TBC1D19: variants seen among roughly 807,000 people sequenced by gnomAD.
The protein encoded by TBC1D19 is TBC1 domain family member 19.
Under a neutral mutation model 89.0 loss-of-function variants are expected in TBC1D19, and 60 were observed. That is an observed-to-expected ratio of 0.67 (90% CI 0.55 to 0.84). The LOEUF (loss-of-function observed/expected upper bound fraction) is 0.84. TBC1D19 is among the 40% of genes least tolerant of loss of function. The pLI, the probability that TBC1D19 is intolerant of heterozygous loss-of-function variation, is 0.00. For missense variants in TBC1D19, 500 were observed against 610.8 expected (o/e 0.82, Z 1.91); for synonymous variants, 189 against 199.7 (o/e 0.95, Z 0.45).
At chr4:26,820,645 G>A in the TBC1D19 span, among the ~76,000 whole-genome samples, 1 of 152,182 alleles carries the variant, frequency 6.6e-6, no homozygotes, top group Non-Finnish European at 1.5e-5. Flanking sequence ...ATGTGGTAGT[G>A]CAGATATCTC....
At chr4:26,730,259 A>G (rs1402515538) in intron 15 of TBC1D19, among the ~76,000 whole-genome samples, 2 of 152,254 alleles carry the variant, frequency 1.3e-5, no homozygotes, top group Admixed American at 6.5e-5. Context: ...ATATAGAGAT[A>G]CATAAATAAA....
At chr4:26,593,256 T>C (rs1387077967) in intron 1 of TBC1D19, among the ~76,000 whole-genome samples, 1 of 152,158 alleles carries the variant, frequency 6.6e-6, no homozygotes, top group Non-Finnish European at 1.5e-5. Flanking sequence ...CCCTATTTAA[T>C]AAATGGTGCT....
At chr4:26,631,850 A>C (rs1187237652) in intron 4 of TBC1D19, among the ~76,000 whole-genome samples, 1 of 152,122 alleles carries the variant, frequency 6.6e-6, no homozygotes, top group Non-Finnish European at 1.5e-5. Context: ...CTTTCCATTG[A>C]GAATACTTTC....
intron 19 of TBC1D19, among the ~76,000 whole-genome samples, chr4:26,749,566 C>A (rs1329689313): frequency 6.6e-6 from 1 of 151,736 alleles, no homozygotes; most frequent in Non-Finnish European, 1.5e-5. Context: ...CCTTCCTCAG[C>A]CTCCCGAATA....
chr4:26,632,308 TG>T (rs1367282447), intron 4 of TBC1D19, among the ~76,000 whole-genome samples: 2 of 151,874 alleles, frequency 1.3e-5, no homozygotes, highest in African/African-American at 4.8e-5. Flanking sequence ...AATAGCCTAC[TG>T]TTGACCAGAA....
chr4:26,851,311 A>ATCTATCTATCTGTCTG, the TBC1D19 span, among the ~76,000 whole-genome samples: 3,660 of 114,844 alleles, frequency 0.032, 56 homozygotes, highest in Admixed American at 0.044. Context: ...TACCCTATCT[A>ATCTATCTATCTGTCTG]TCTATCTATC....
At chr4:26,844,664 C>T in the TBC1D19 span, among the ~76,000 whole-genome samples, 1 of 152,204 alleles carries the variant, frequency 6.6e-6, no homozygotes, top group Non-Finnish European at 1.5e-5. Context: ...ATGGCTGCAG[C>T]CAGCTGTGTT....
At chr4:26,803,406 A>T in the TBC1D19 span, among the ~76,000 whole-genome samples, 1 of 152,288 alleles carries the variant, frequency 6.6e-6, no homozygotes, top group East Asian at 1.9e-4. Flanking sequence ...TGACTTTCCC[A>T]TGGCTTGAAT....
upstream of TBC1D19, among the ~76,000 whole-genome samples, chr4:26,580,291 G>A (rs1294062650): frequency 1.3e-5 from 2 of 152,160 alleles, no homozygotes; most frequent in African/African-American, 2.4e-5. Context: ...CCCCCATAAA[G>A]GTCTTTGTGA....
At chr4:26,743,478 T>C (rs1281305395) in intron 18 of TBC1D19, among the ~76,000 whole-genome samples, 1 of 152,102 alleles carries the variant, frequency 6.6e-6, no homozygotes, top group African/African-American at 2.4e-5. Context: ...TTCTTTACGT[T>C]AAGATAATTC....
At chr4:26,687,020 T>TTTTG (rs531704478) in intron 12 of TBC1D19, among the ~76,000 whole-genome samples, 1 of 152,232 alleles carries the variant, frequency 6.6e-6, no homozygotes, top group South Asian at 2.1e-4. Flanking sequence ...TTGTCTTCTT[T>TTTTG]TTTGTTTGTT....
At chr4:26,686,231 G>A (rs368282094) in intron 12 of TBC1D19, among the ~76,000 whole-genome samples, 1 of 152,082 alleles carries the variant, frequency 6.6e-6, no homozygotes, top group Non-Finnish European at 1.5e-5. Context: ...GGAATGAATG[G>A]AACAAGGCAA....
intron 9 of TBC1D19, among the ~76,000 whole-genome samples, chr4:26,668,668 G>A (rs1186578225): frequency 6.6e-6 from 1 of 151,906 alleles, no homozygotes; most frequent in South Asian, 2.1e-4. Context: ...GAAATGTAAT[G>A]CTAATGTTTG....
chr4:26,840,441 C>T, the TBC1D19 span, among the ~76,000 whole-genome samples: 2 of 152,042 alleles, frequency 1.3e-5, no homozygotes, highest in Non-Finnish European at 2.9e-5. Flanking sequence ...GTAGACATCA[C>T]TGTAGACCTC....
chr4:26,810,069 T>A, the TBC1D19 span, among the ~76,000 whole-genome samples: 3 of 152,124 alleles, frequency 2.0e-5, no homozygotes, highest in African/African-American at 7.2e-5. Flanking sequence ...CAGGCCACAG[T>A]GATGGGGAAT....
chr4:26,637,436 G>C (rs372189993), intron 5 of TBC1D19, 151 bp downstream of exon 5: 4 of 551,922 alleles, frequency 7.2e-6, no homozygotes, highest in African/African-American at 2.0e-5. Context: ...GCAGTGGCGC[G>C]ATCTTGGCTC....
chr4:26,712,151 T>C (rs1166335866), intron 13 of TBC1D19, among the ~76,000 whole-genome samples: 1 of 152,116 alleles, frequency 6.6e-6, no homozygotes, highest in Non-Finnish European at 1.5e-5. Context: ...TGTTTGTAAG[T>C]ATATTTTCTT....
chr4:26,839,109 G>T, the TBC1D19 span, among the ~76,000 whole-genome samples: 3 of 152,278 alleles, frequency 2.0e-5, no homozygotes, highest in Admixed American at 6.5e-5. Context: ...TTTGAAACAT[G>T]CATAGGGCTG....
the TBC1D19 span, among the ~76,000 whole-genome samples, chr4:26,774,479 A>AT: frequency 6.6e-6 from 1 of 152,146 alleles, no homozygotes. Flanking sequence ...CAATGTTGTC[A>AT]TGGTATATCT....
Sources: gnomAD v4.1 joint callset for allele counts (sites outside exome capture counted in the v4.1 genomes callset) on GRCh38, gnomAD v4.1.1 for gene constraint, MANE v1.5 for transcripts, NCBI Gene and HGNC (gene_info 2026-07-23, HGNC 2026-07-21) for gene names.